Variants in MEOX2 observed in about 807,000 individuals in gnomAD.
MEOX2 encodes mesenchyme homeobox 2.
A neutral mutation model predicts 27.0 loss-of-function variants in MEOX2; 11 were observed. That is an observed-to-expected ratio of 0.41 (90% CI 0.26 to 0.68). The LOEUF (loss-of-function observed/expected upper bound fraction) is 0.68, where lower values mean the gene tolerates loss of function less well. Among genes scored for constraint, MEOX2 ranks in the 30% least tolerant of loss-of-function variants. MEOX2 has a pLI of 0.33. For synonymous variants in MEOX2, 189 were observed against 155.4 expected, an observed-to-expected ratio of 1.22 and a Z score of -1.61; for missense variants, 436 against 385.4, an observed-to-expected ratio of 1.13 and a Z score of -1.10.
intron 1 of MEOX2, among the ~76,000 whole-genome samples, chr7:15,630,455 G>C (rs1052839743): frequency 6.6e-6 from 1 of 152,012 alleles, no homozygotes; most frequent in African/African-American, 2.4e-5. Flanking sequence ...ATAAAAGTAC[G>C]ATTGAGAATA....
intron 2 of MEOX2, among the ~76,000 whole-genome samples, chr7:15,625,261 A>G (rs1319403915): frequency 6.6e-6 from 1 of 152,190 alleles, no homozygotes; most frequent in Non-Finnish European, 1.5e-5. Flanking sequence ...AAAAAAAATA[A>G]TAAAATAGAG....
At chr7:15,674,644 A>G (rs1233500407) in intron 1 of MEOX2, among the ~76,000 whole-genome samples, 1 of 151,978 alleles carries the variant, frequency 6.6e-6, no homozygotes, top group Non-Finnish European at 1.5e-5. Flanking sequence ...GGAATAATTA[A>G]CTGTATTTTT....
chr7:15,650,642 C>G (rs1399274395), intron 1 of MEOX2, among the ~76,000 whole-genome samples: 1 of 151,906 alleles, frequency 6.6e-6, no homozygotes. Flanking sequence ...TGTTCCTTCC[C>G]TTAAGGATCA....
At chr7:15,664,108 G>C (rs1268199559) in intron 1 of MEOX2, among the ~76,000 whole-genome samples, 1 of 152,148 alleles carries the variant, frequency 6.6e-6, no homozygotes, top group South Asian at 2.1e-4. Flanking sequence ...ACAGTTGGCT[G>C]TACTTAAAGA....
At chr7:15,625,574 G>A (rs1781290710) in intron 2 of MEOX2, among the ~76,000 whole-genome samples, 1 of 152,252 alleles carries the variant, frequency 6.6e-6, no homozygotes, top group Non-Finnish European at 1.5e-5. Context: ...GCATTCATTT[G>A]TCCACACCCT....
At chr7:15,663,950 GA>G (rs1270145624) in intron 1 of MEOX2, among the ~76,000 whole-genome samples, 2 of 152,174 alleles carry the variant, frequency 1.3e-5, no homozygotes, top group African/African-American at 4.8e-5. Context: ...TAGACAGACA[GA>G]TAGATGATAG....
Position 15,672,797 on chromosome 7 carries a change from C to T in MEOX2, c.517+13089G>A, listed in dbSNP as rs185772247. 3.5e-3 allele frequency among the ~76,000 whole-genome samples: 525 copies of T among 151,246 alleles called. 12 individuals are homozygous for T. Among genetic ancestry groups the T allele is most frequent in the Admixed American group, 0.032 (483 of 15,146 alleles). ...GTCCCAGCTACTTGGGAGGCTGAGG[C>T]AGGAGAATTGCTTTAACCTGGGAGG... On this transcript the variant is annotated intron_variant, in intron 1 of 2. Coordinates refer to ENST00000262041, the MANE Select transcript of MEOX2 (RefSeq NM_005924.5).
chr7:15,663,104 T>G (rs1373033876), intron 1 of MEOX2, among the ~76,000 whole-genome samples: 1 of 152,174 alleles, frequency 6.6e-6, no homozygotes, highest in East Asian at 1.9e-4. Flanking sequence ...CTAGCGTCCC[T>G]ACTGAAGTTC....
chr7:15,656,842 A>G (rs1446977155), intron 1 of MEOX2, among the ~76,000 whole-genome samples: 1 of 148,784 alleles, frequency 6.7e-6, no homozygotes, highest in Non-Finnish European at 1.5e-5. Flanking sequence ...TTTTTTGTCC[A>G]AAAAAAAAAT....
At chr7:15,651,094 C>T (rs1173189646) in intron 1 of MEOX2, among the ~76,000 whole-genome samples, 3 of 151,862 alleles carry the variant, frequency 2.0e-5, no homozygotes, top group East Asian at 3.9e-4. Flanking sequence ...TGAAAGTCCT[C>T]GATTTTCATA....
In MEOX2 at chr7:15,642,599, G is replaced by T. The variant is rs536139913; in HGVS notation, c.518-15681C>A. On this transcript the variant is annotated intron_variant, in intron 1 of 2. Transcript: ENST00000262041. ...TTACAATCCATATTTTGAATTCCTT[G>T]TCTCTCATTTCAAAGTTTTCATTTT... Among the ~76,000 whole-genome samples the T allele has an allele frequency of 3.3e-5, 5 of 152,094 alleles. No homozygotes were observed. In the South Asian group the frequency reaches 8.3e-4, roughly 25 times the overall value.
chr7:15,647,368 TG>T (rs1311589390), intron 1 of MEOX2, among the ~76,000 whole-genome samples: 3 of 152,138 alleles, frequency 2.0e-5, no homozygotes, highest in African/African-American at 7.2e-5. Flanking sequence ...CAGCATTAAA[TG>T]GTAAGATATT....
intron 1 of MEOX2, among the ~76,000 whole-genome samples, chr7:15,662,985 C>T (rs189480426): frequency 2.0e-5 from 3 of 152,200 alleles, no homozygotes; most frequent in East Asian, 3.9e-4. Flanking sequence ...GCCTCCATAC[C>T]ATTTTATCAA....
intron 1 of MEOX2, chr7:15,667,980 C>T (rs1377115824): frequency 6.6e-6 from 1 of 152,180 alleles, no homozygotes; most frequent in African/African-American, 2.4e-5. Context: ...CACTTTATTC[C>T]ATCCCCTTGG....
chr7:15,622,765 C>G (rs771320485), intron 2 of MEOX2, among the ~76,000 whole-genome samples: 1 of 152,076 alleles, frequency 6.6e-6, no homozygotes, highest in Non-Finnish European at 1.5e-5. Flanking sequence ...ATATTTATGT[C>G]TCCTCCAAAT....
chr7:15,620,977 G>T (rs1476255184), intron 2 of MEOX2, among the ~76,000 whole-genome samples: 1 of 152,118 alleles, frequency 6.6e-6, no homozygotes, highest in East Asian at 1.9e-4. Context: ...TCTTTTATAT[G>T]CTCCTGCAGC....
Position 15,621,658 on chromosome 7 carries a change from T to C in MEOX2, c.690+5088A>G, listed in dbSNP as rs1419117043. Among the ~76,000 whole-genome samples, 4 of 152,228 alleles carry C rather than the reference T, an allele frequency of 2.6e-5. No homozygotes were observed. The East Asian group carries it at 7.7e-4, about 29-fold the overall frequency. Reference sequence around the variant, plus strand: ...GTCATCATAAAATTTGTGTTGGATATACTGATCGGTGATATAAGTAAGGTA... The same window carrying C: ...GTCATCATAAAATTTGTGTTGGATACACTGATCGGTGATATAAGTAAGGTA... On this transcript the variant is annotated intron_variant, in intron 2 of 2. Coordinates refer to ENST00000262041, the MANE Select transcript of MEOX2 (RefSeq NM_005924.5).
At chr7:15,676,186 C>A (rs1375524763) in intron 1 of MEOX2, 5 of 152,120 alleles carry the variant, frequency 3.3e-5, no homozygotes, top group Non-Finnish European at 5.9e-5. Flanking sequence ...TTATCTCTAT[C>A]TAAGTGATAT....
chr7:15,622,425 T>C (rs180709300), intron 2 of MEOX2, among the ~76,000 whole-genome samples: 8 of 152,232 alleles, frequency 5.3e-5, no homozygotes, highest in African/African-American at 1.9e-4. Flanking sequence ...TCAAAAGACC[T>C]TGACAATGTT....
Sources: gnomAD v4.1 joint callset for allele counts (sites outside exome capture counted in the v4.1 genomes callset) on GRCh38, gnomAD v4.1.1 for gene constraint, MANE v1.5 for transcripts, NCBI Gene and HGNC (gene_info 2026-07-23, HGNC 2026-07-21) for gene names.